Variants in ADPRM observed in about 807,000 individuals in gnomAD.
ADPRM encodes the protein ADP-ribose/CDP-alcohol diphosphatase, manganese dependent, also known as manganese-dependent ADP-ribose/CDP-alcohol diphosphatase.
A neutral mutation model predicts 27.2 loss-of-function variants in ADPRM; 17 were observed. The observed-to-expected ratio is 0.63, with a 90% CI of 0.43 to 0.94. ADPRM has a LOEUF of 0.94. ADPRM is among the 40% of genes least tolerant of loss of function. The pLI is 0.00. For synonymous variants in ADPRM, 135 were observed against 145.3 expected (o/e 0.93, Z 0.51); for missense variants, 337 against 412.8 (o/e 0.82, Z 1.59).
At chr17:10,701,713 C>G (rs529561056) in intron 1 of ADPRM, among the ~76,000 whole-genome samples, 14 of 152,324 alleles carry the variant, frequency 9.2e-5, no homozygotes, top group African/African-American at 3.1e-4. Context: ...ATCCTGTACT[C>G]ACTGATTTTT....
At chr17:10,704,858 T>C (rs2074802928) in intron 1 of ADPRM, 52 bp from the exon 2 acceptor site, 10 of 1,367,894 alleles carry the variant, frequency 7.3e-6, no homozygotes, top group South Asian at 1.4e-5. Context: ...TTAAGTGAAA[T>C]TGGGAAATTA....
intron 3 of ADPRM, among the ~76,000 whole-genome samples, chr17:10,708,574 G>A (rs1046983551): frequency 1.3e-5 from 2 of 152,072 alleles, no homozygotes; most frequent in Non-Finnish European, 2.9e-5. Flanking sequence ...GAGCAGAAGT[G>A]TTTCTGCTAA....
At chr17:10,706,586 AT>A (rs1020738290) in intron 3 of ADPRM, 32 bp downstream of exon 3, 22 of 1,430,710 alleles carry the variant, frequency 1.5e-5, no homozygotes, top group Non-Finnish European at 1.9e-5. Context: ...TTACACTAAC[AT>A]TTTAGAGATT....
Position 10,711,342 on chromosome 17 carries a change from A to T in ADPRM, c.*198A>T, listed in dbSNP as rs2074851937. 1.0e-5 allele frequency: 6 copies of T among 580,380 alleles called. No homozygotes were observed. The East Asian group carries it at 1.8e-4, about 18-fold the overall frequency. The allele number at this position is 580,380 out of a possible 1,614,324, so 36.0% of individuals were successfully genotyped here. Reference sequence around the variant, plus strand: ...ATCCATTGTAAGTTAGAAACAAACCAGGGAGGAAACTGAGGCAGGGGTGTA... The same window carrying T: ...ATCCATTGTAAGTTAGAAACAAACCTGGGAGGAAACTGAGGCAGGGGTGTA... On this transcript the variant is annotated 3_prime_UTR_variant, in exon 4 of 4. Coordinates refer to ENST00000379774, the MANE Select transcript of ADPRM (RefSeq NM_020233.5).
rs1012940468 is a variant in ADPRM, at chr17:10,702,611, G to A, written c.-17-2299G>A. On this transcript the variant is annotated intron_variant, in intron 1 of 3. Coordinates refer to ENST00000379774, the MANE Select transcript of ADPRM (RefSeq NM_020233.5). This position sits in a 1 kb window ranked among gnomAD's most constrained non-coding sequence, Gnocchi z 4.2. ...AAAATTGAAGCCTTAGTTTATCAGC[G>A]TTTGTAGTAGTGGCAGTGCCTGTCC... Among the ~76,000 whole-genome samples, 2 of 152,124 alleles carry A rather than the reference G, an allele frequency of 1.3e-5. No homozygotes were observed. The highest frequency in any genetic ancestry group is 6.5e-5 in the Admixed American group (1 of 15,276).
At chr17:10,698,958 G>C (rs2074755682) in intron 1 of ADPRM, 1 of 152,136 alleles carries the variant, frequency 6.6e-6, no homozygotes, top group Admixed American at 6.6e-5. Context: ...ATCTCTGATT[G>C]CCCAATTGTA....
At chr17:10,701,392 G>A (rs1439365198) in intron 1 of ADPRM, among the ~76,000 whole-genome samples, 2 of 151,500 alleles carry the variant, frequency 1.3e-5, no homozygotes, top group African/African-American at 2.4e-5. Context: ...GTGCAGTGGC[G>A]CGATCTCGGC....
At chr17:10,701,608 C>A (rs959837833) in intron 1 of ADPRM, among the ~76,000 whole-genome samples, 8 of 152,210 alleles carry the variant, frequency 5.3e-5, no homozygotes, top group African/African-American at 7.2e-5. Context: ...GGATTACAGG[C>A]GTGAGCCACC....
At chr17:10,708,320 T>G (rs919682886) in intron 3 of ADPRM, among the ~76,000 whole-genome samples, 3 of 150,598 alleles carry the variant, frequency 2.0e-5, no homozygotes, top group African/African-American at 4.9e-5. Context: ...TCCCAGCTAC[T>G]CGGGAGGCTG....
chr17:10,710,792 T>C (rs2074847294), intron 3 of ADPRM, 42 bp from the exon 4 acceptor site: 5 of 1,555,620 alleles, frequency 3.2e-6, no homozygotes, highest in South Asian at 1.1e-5. Flanking sequence ...AGAAGAGATA[T>C]TTCTTAATTG....
chr17:10,698,906 T>G (rs1211523816), intron 1 of ADPRM: 1 of 152,234 alleles, frequency 6.6e-6, no homozygotes, highest in Non-Finnish European at 1.5e-5. Context: ...GACATAAAAG[T>G]ACCTTGTGTA....
chr17:10,697,724 G>T (rs532397428), intron 1 of ADPRM, 57 bp downstream of exon 1: 2 of 652,864 alleles, frequency 3.1e-6, no homozygotes, highest in East Asian at 2.8e-5. Context: ...GGTGCTGCGG[G>T]GCCGCGGGAC....
At chr17:10,698,395 A>C (rs1179612216) in intron 1 of ADPRM, 5 of 151,866 alleles carry the variant, frequency 3.3e-5, no homozygotes, top group Admixed American at 6.6e-5. Flanking sequence ...ACTTCATTTC[A>C]TCTGCCTTTA....
At chr17:10,710,437 A>T (rs569196149) in intron 3 of ADPRM, among the ~76,000 whole-genome samples, 15 of 152,326 alleles carry the variant, frequency 9.8e-5, no homozygotes, top group Non-Finnish European at 4.4e-5. Context: ...TTCTGTGTAT[A>T]TAACATTCAT....
At chr17:10,700,162 CTCTT>C (rs2074766965) in intron 1 of ADPRM, among the ~76,000 whole-genome samples, 1 of 152,192 alleles carries the variant, frequency 6.6e-6, no homozygotes, top group African/African-American at 2.4e-5. Context: ...AACAAAGTCT[CTCTT>C]TATTAATCTC....
At chr17:10,708,772 G>A (rs1469565951) in intron 3 of ADPRM, among the ~76,000 whole-genome samples, 1 of 152,166 alleles carries the variant, frequency 6.6e-6, no homozygotes, top group Non-Finnish European at 1.5e-5. Context: ...GAGTCATATA[G>A]CCAAACCTTT....
chr17:10,700,225 T>G (rs1395363389), intron 1 of ADPRM, among the ~76,000 whole-genome samples: 10 of 152,226 alleles, frequency 6.6e-5, no homozygotes, highest in Admixed American at 1.3e-4. Flanking sequence ...AGTGAAGAAA[T>G]CATACTCTTT....
Position 10,705,274 on chromosome 17 carries a change from C to T in ADPRM, c.348C>T (p.Phe116=), listed in dbSNP as rs770620729. 6.2e-7 allele frequency: 1 copy of T among 1,613,930 alleles called. No individual in the cohort carries two copies. Among genetic ancestry groups the T allele is most frequent in the East Asian group, 2.2e-5 (1 of 44,878 alleles). The change falls in exon 2 of 4, where the codon TTC becomes TTT. Residue 116 remains phenylalanine, a synonymous_variant. Coordinates refer to ENST00000379774, the MANE Select transcript of ADPRM (RefSeq NM_020233.5). The surrounding 1 kb of genome is among the most constrained non-coding windows in gnomAD (Gnocchi z 5.4). ...GGGGAAACCATGAATTCTATAACTT[C>T]AGTAGAGAGTATTTAACACACTCTA... is the stretch of plus-strand genomic sequence containing the variant. ...HTWGNHEFYN[F]SREYLTHSKL...
intron 1 of ADPRM, among the ~76,000 whole-genome samples, chr17:10,704,486 C>CAAAA (rs201571510): frequency 1.3e-5 from 1 of 76,702 alleles, no homozygotes. Flanking sequence ...CACAGCTTTC[C>CAAAA]AAAAAAAAAA....
Sources: allele counts gnomAD v4.1 joint callset (sites outside exome capture counted in the v4.1 genomes callset), GRCh38; gene constraint gnomAD v4.1.1; non-coding constraint Gnocchi (gnomAD v3.1); transcripts MANE v1.5; gene names NCBI Gene and HGNC (gene_info 2026-07-23, HGNC 2026-07-21).